Variants in ROR1 observed in about 807,000 individuals in gnomAD.
ROR1 encodes ROR family WNT receptor 1.
ROR1 carries 19 observed loss-of-function variants against 78.8 expected under a neutral mutation model. That is an observed-to-expected ratio of 0.24 (90% CI 0.17 to 0.35). The LOEUF (loss-of-function observed/expected upper bound fraction) is 0.35. Among genes scored for constraint, ROR1 ranks in the 10% least tolerant of loss-of-function variants. The probability of loss-of-function intolerance (pLI) is 1.00; values close to 1 mark genes in which losing one functional copy is unlikely to be tolerated. For missense variants in ROR1, 917 were observed against 1,177.8 expected, an observed-to-expected ratio of 0.78 and a Z score of 3.24; for synonymous variants, 386 against 433.6, an observed-to-expected ratio of 0.89 and a Z score of 1.36.
At chr1:63,958,865 A>G (rs1455622161) in intron 1 of ROR1, among the ~76,000 whole-genome samples, 3 of 152,216 alleles carry the variant, frequency 2.0e-5, no homozygotes, top group Non-Finnish European at 4.4e-5. Context: ...AGCATCCCAC[A>G]TAACACTTCT....
intron 1 of ROR1, among the ~76,000 whole-genome samples, chr1:63,795,449 G>GTCGAAACCTT (rs1446850963): frequency 6.6e-6 from 1 of 152,174 alleles, no homozygotes; most frequent in African/African-American, 2.4e-5. Context: ...GGAAAATCCT[G>GTCGAAACCTT]TCGAAACCTT....
chr1:64,050,507 ATT>A (rs397973977), intron 3 of ROR1, among the ~76,000 whole-genome samples, 177 bp from the exon 4 acceptor site: 2 of 142,998 alleles, frequency 1.4e-5, no homozygotes, highest in Non-Finnish European at 3.1e-5. Context: ...TCTCACTGGT[ATT>A]TTTTTTTTTT....
chr1:63,869,780 T>C (rs1029550647), intron 1 of ROR1, among the ~76,000 whole-genome samples: 1 of 152,210 alleles, frequency 6.6e-6, no homozygotes, highest in Non-Finnish European at 1.5e-5. Flanking sequence ...CAGAGTGCTG[T>C]CCACCAGATT....
intron 7 of ROR1, among the ~76,000 whole-genome samples, chr1:64,155,108 A>C (rs1473650878): frequency 1.3e-5 from 2 of 152,178 alleles, no homozygotes; most frequent in African/African-American, 4.8e-5. Context: ...AGACTTTGCT[A>C]CTTTGTAGCT....
chr1:63,951,058 G>C (rs1046862777), intron 1 of ROR1, among the ~76,000 whole-genome samples: 4 of 152,200 alleles, frequency 2.6e-5, no homozygotes, highest in Non-Finnish European at 5.9e-5. Flanking sequence ...TTTAGGAGCA[G>C]GAAGTTCTCT....
rs117239842 is a variant in ROR1 at position 63,782,921 on chromosome 1, C to T, written c.91+8413C>T. 5.9e-4 allele frequency among the ~76,000 whole-genome samples: 89 copies of T among 152,038 alleles called. 3 individuals carry two copies. In the East Asian group the frequency reaches 0.017, roughly 29 times the overall value. On this transcript the variant is annotated intron_variant, in intron 1 of 8. Transcript: ENST00000371079. Reference sequence around the variant, plus strand: ...AGAATCCCTAGAAGGGTGGGTCTTTCGGGAGGAAGTGTGATATGATGTGAG... The same window carrying T: ...AGAATCCCTAGAAGGGTGGGTCTTTTGGGAGGAAGTGTGATATGATGTGAG...
intron 1 of ROR1, among the ~76,000 whole-genome samples, chr1:63,930,730 T>G (rs1421766276): frequency 6.6e-6 from 1 of 152,234 alleles, no homozygotes; most frequent in Non-Finnish European, 1.5e-5. Flanking sequence ...CTGATCCTCA[T>G]TAATGACTCC....
intron 1 of ROR1, among the ~76,000 whole-genome samples, chr1:63,822,467 G>A (rs1644929065): frequency 6.6e-6 from 1 of 151,964 alleles, no homozygotes; most frequent in Non-Finnish European, 1.5e-5. Context: ...AACATGTGAT[G>A]TGTTTGTTGT....
chr1:63,774,527 C>A lies in ROR1; in HGVS notation c.91+19C>A. On this transcript the variant is annotated intron_variant, in intron 1 of 8. Transcript: ENST00000371079. This position sits in a 1 kb window ranked among gnomAD's most constrained non-coding sequence, Gnocchi z 5.7. Reference sequence around the variant, plus strand: ...GCCCAAGGTAAGAGGCGCCCGCCGGCCCCCGCCCGCCCAGACCCCCTGACC... The same window carrying A: ...GCCCAAGGTAAGAGGCGCCCGCCGGACCCCGCCCGCCCAGACCCCCTGACC... 9.2e-7 allele frequency: 1 copy of A among 1,087,706 alleles called. No individual in the cohort carries two copies. The highest frequency in any genetic ancestry group is 1.1e-6 in the Non-Finnish European group (1 of 896,076). The allele number at this position is 1,087,706 out of a possible 1,614,324, so 67.4% of individuals were successfully genotyped here.
intron 4 of ROR1, among the ~76,000 whole-genome samples, chr1:64,136,505 C>T (rs186331178): frequency 1.1e-3 from 170 of 152,002 alleles, no homozygotes; most frequent in African/African-American, 4.0e-3. Context: ...TTGTGCTCAT[C>T]GTAGGCCCTC....
At chr1:63,913,926 C>T (rs1037254498) in intron 1 of ROR1, among the ~76,000 whole-genome samples, 3 of 152,104 alleles carry the variant, frequency 2.0e-5, no homozygotes, top group South Asian at 2.1e-4. Context: ...CAGCCTCTCC[C>T]GGGGAGCCTT....
At chr1:63,778,275 C>T (rs1209513421) in intron 1 of ROR1, among the ~76,000 whole-genome samples, 1 of 152,156 alleles carries the variant, frequency 6.6e-6, no homozygotes. Context: ...AAATAATATA[C>T]ACAATTTTAT....
At chr1:63,893,473 C>A (rs545126701) in intron 1 of ROR1, among the ~76,000 whole-genome samples, 1 of 152,114 alleles carries the variant, frequency 6.6e-6, no homozygotes, top group Non-Finnish European at 1.5e-5. Flanking sequence ...GTTTGCTGTG[C>A]TTGCTAATAT....
chr1:63,992,746 A>T (rs1040193791), intron 1 of ROR1, among the ~76,000 whole-genome samples: 52 of 152,200 alleles, frequency 3.4e-4, no homozygotes, highest in African/African-American at 1.2e-3. Flanking sequence ...ACACATCAGC[A>T]AATGTTTGTG....
intron 4 of ROR1, among the ~76,000 whole-genome samples, chr1:64,125,980 G>A (rs1032452205): frequency 6.6e-6 from 1 of 152,152 alleles, no homozygotes; most frequent in Non-Finnish European, 1.5e-5. Flanking sequence ...GCCTGGTAGA[G>A]GAACAGACTT....
rs147340620 is a variant in ROR1, at chr1:64,035,030, G to A, written c.164-14661G>A. Reference sequence around the variant, plus strand: ...ACCAAAATCCTCAGTAGCTCTTCAGGAATTGGTGTGGGAGTTCAGTGGCAA... The same window carrying A: ...ACCAAAATCCTCAGTAGCTCTTCAGAAATTGGTGTGGGAGTTCAGTGGCAA... On this transcript the variant is annotated intron_variant, in intron 2 of 8. Coordinates refer to ENST00000371079, the MANE Select transcript of ROR1 (RefSeq NM_005012.4). 2.1e-3 allele frequency among the ~76,000 whole-genome samples: 322 copies of A among 152,244 alleles called. 5 individuals carry two copies. The highest frequency in any genetic ancestry group is 0.019 in the Admixed American group (287 of 15,296).
intron 1 of ROR1, among the ~76,000 whole-genome samples, chr1:63,948,222 C>A (rs973014606): frequency 6.6e-6 from 1 of 152,094 alleles, no homozygotes; most frequent in African/African-American, 2.4e-5. Flanking sequence ...TTATCCTCTA[C>A]ACATTTCTAT....
intron 1 of ROR1, among the ~76,000 whole-genome samples, chr1:63,825,995 A>C (rs1054871145): frequency 6.6e-6 from 1 of 152,196 alleles, no homozygotes; most frequent in Admixed American, 6.5e-5. Flanking sequence ...ACTGGGTTCC[A>C]GGGAATAGAG....
At chr1:63,959,255 A>AC (rs1338044224) in intron 1 of ROR1, among the ~76,000 whole-genome samples, 1 of 152,016 alleles carries the variant, frequency 6.6e-6, no homozygotes, top group Non-Finnish European at 1.5e-5. Context: ...GAGGGTAACC[A>AC]CCCCCATGAT....
Sources: allele counts gnomAD v4.1 joint callset (sites outside exome capture counted in the v4.1 genomes callset), GRCh38; gene constraint gnomAD v4.1.1; non-coding constraint Gnocchi (gnomAD v3.1); transcripts MANE v1.5; gene names NCBI Gene and HGNC (gene_info 2026-07-23, HGNC 2026-07-21).